The following CSNK1G1 variants were observed in gnomAD, a reference collection of about 807,000 sequenced individuals.
The protein encoded by CSNK1G1 is casein kinase 1 gamma 1.
CSNK1G1 carries 22 observed loss-of-function variants against 59.6 expected under a neutral mutation model. That is an observed-to-expected ratio of 0.37 (90% CI 0.26 to 0.53). The LOEUF (loss-of-function observed/expected upper bound fraction) is 0.53, where lower values mean the gene tolerates loss of function less well. Ranked by LOEUF, CSNK1G1 falls within the 20% of genes least tolerant of loss-of-function variation. The pLI, the probability that CSNK1G1 is intolerant of heterozygous loss-of-function variation, is 0.89. For missense variants in CSNK1G1, 384 were observed against 519.5 expected (o/e 0.74, Z 2.54); for synonymous variants, 179 against 177.1 (o/e 1.01, Z -0.08).
chr15:64,180,547 G>A (rs2081799707), intron 10 of CSNK1G1, 93 bp from the exon 11 acceptor site: 2 of 980,868 alleles, frequency 2.0e-6, no homozygotes, highest in Non-Finnish European at 1.6e-6. Flanking sequence ...GCAGTGTCTG[G>A]AATGTTTGTT....
chr15:64,188,274 T>C lies in CSNK1G1; in HGVS notation c.1108-7820A>G, dbSNP rs1354419384. On this transcript the variant is annotated intron_variant, in intron 10 of 11. Coordinates refer to ENST00000303052, the MANE Select transcript of CSNK1G1 (RefSeq NM_022048.5). This position sits in a 1 kb window ranked among gnomAD's most constrained non-coding sequence, Gnocchi z 4.2. The stretch of plus-strand genomic sequence containing the variant: ...ACAGAGATATTCAATTAGCCCTTCC[T>C]GTAAGCTTCCTTTCTAAGGCTGCCG... 2.3e-5 allele frequency: 18 copies of C among 794,572 alleles called. No homozygotes were observed. In the East Asian group the frequency reaches 4.1e-4, roughly 18 times the overall value. 49.2% of individuals were successfully genotyped at this position (794,572 alleles called of 1,614,324 possible).
chr15:64,308,280 G>C (rs372406861), intron 1 of CSNK1G1, among the ~76,000 whole-genome samples: 1 of 151,442 alleles, frequency 6.6e-6, no homozygotes, highest in African/African-American at 2.4e-5. Flanking sequence ...ATATTTTTTT[G>C]TAGAGACGAG....
At chr15:64,264,617 T>C (rs1596183522) in intron 2 of CSNK1G1, among the ~76,000 whole-genome samples, 1 of 152,046 alleles carries the variant, frequency 6.6e-6, no homozygotes, top group African/African-American at 2.4e-5. Flanking sequence ...GAGGCACAAA[T>C]CGTCAACAAA....
chr15:64,238,958 G>T (rs2082658076), intron 4 of CSNK1G1, among the ~76,000 whole-genome samples: 1 of 152,072 alleles, frequency 6.6e-6, no homozygotes, highest in African/African-American at 2.4e-5. Context: ...TTCCAACAAG[G>T]ATATTAACAA....
rs1259149362 is a variant in CSNK1G1 at position 64,200,781 on chromosome 15, T to C, written c.1107+2301A>G. Among the ~76,000 whole-genome samples the C allele has an allele frequency of 6.6e-6, 1 of 152,248 alleles. No homozygotes were observed. Among genetic ancestry groups the C allele is most frequent in the Non-Finnish European group, 1.5e-5 (1 of 68,036 alleles). ...CCCCATCCCGTCCAGCTCACTTTAC[T>C]ATAACCCAGTTTATTCAATAAAGGA... On this transcript the variant is annotated intron_variant, in intron 10 of 11. Transcript: ENST00000303052. The surrounding 1 kb of genome is among the most constrained non-coding windows in gnomAD (Gnocchi z 4.3).
rs554544396 is a variant in CSNK1G1, at chr15:64,326,954, C to T, written c.-224-26231G>A. Among the ~76,000 whole-genome samples the T allele has an allele frequency of 2.2e-3, 339 of 150,692 alleles. 3 individuals carry two copies. Among genetic ancestry groups the T allele is most frequent in the South Asian group, 0.01 (48 of 4,628 alleles). ...TCGGGTCACTCCCACCCGAATATTG[C>T]GCTTTTCAGACCGGCTTAAAAAACG... On this transcript the variant is annotated intron_variant, in intron 1 of 11. Coordinates refer to ENST00000303052, the MANE Select transcript of CSNK1G1 (RefSeq NM_022048.5).
intron 10 of CSNK1G1, among the ~76,000 whole-genome samples, chr15:64,192,789 G>C (rs1031546984): frequency 7.8e-6 from 1 of 127,818 alleles, no homozygotes; most frequent in African/African-American, 2.9e-5. Context: ...GTTGCAGTGA[G>C]CTGAGATTGT....
Position 64,300,423 on chromosome 15 carries a change from G to C in CSNK1G1, c.77C>G (p.Ser26Cys). 1 of 1,614,176 alleles carries C rather than the reference G, an allele frequency of 6.2e-7. No individual in the cohort carries two copies. The highest frequency in any genetic ancestry group is 1.1e-5 in the South Asian group (1 of 91,086). Residue 26 changes from serine to cysteine, a missense_variant, in exon 2 of 12, where the codon TCT (serine) becomes TGT (cysteine). Coordinates refer to ENST00000303052, the MANE Select transcript of CSNK1G1 (RefSeq NM_022048.5). Reference sequence around the variant, plus strand: ...GGACGATGAGGAGCCAGATGGTCGAGAGCAGTGTGCACTCCTTTGTGCCAT... The same window carrying C: ...GGACGATGAGGAGCCAGATGGTCGACAGCAGTGTGCACTCCTTTGTGCCAT... ...KPMAQRSAHC[S>C]RPSGSSSSSG...
intron 2 of CSNK1G1, among the ~76,000 whole-genome samples, chr15:64,291,778 G>A (rs1454589857): frequency 6.6e-6 from 1 of 152,092 alleles, no homozygotes; most frequent in East Asian, 1.9e-4. Context: ...CATTGACTTG[G>A]AGTGGAAAAT....
At chr15:64,228,375 C>T (rs2082490441) in intron 4 of CSNK1G1, among the ~76,000 whole-genome samples, 1 of 152,202 alleles carries the variant, frequency 6.6e-6, no homozygotes, top group Non-Finnish European at 1.5e-5. Context: ...CACCCGGGCA[C>T]GGTGGCTCAC....
intron 1 of CSNK1G1, among the ~76,000 whole-genome samples, chr15:64,322,596 C>T (rs544327864): frequency 1.2e-4 from 19 of 152,158 alleles, no homozygotes; most frequent in African/African-American, 4.1e-4. Flanking sequence ...GGGTTGATCC[C>T]TTGAGCCCAG....
chr15:64,193,023 C>A (rs2081992962), intron 10 of CSNK1G1, among the ~76,000 whole-genome samples: 1 of 152,084 alleles, frequency 6.6e-6, no homozygotes, highest in South Asian at 2.1e-4. Flanking sequence ...TCATGTAAGT[C>A]TTCTCAGCCT....
intron 3 of CSNK1G1, among the ~76,000 whole-genome samples, chr15:64,254,782 G>A (rs1417139005): frequency 6.6e-6 from 1 of 152,166 alleles, no homozygotes; most frequent in Non-Finnish European, 1.5e-5. Flanking sequence ...GTGTGCAAAA[G>A]TTTTAAATTT....
At chr15:64,277,651 A>C (rs1463936262) in intron 2 of CSNK1G1, among the ~76,000 whole-genome samples, 13 of 126,770 alleles carry the variant, frequency 1.0e-4, no homozygotes, top group Non-Finnish European at 2.1e-4. Flanking sequence ...ATATTTAATA[A>C]TATAGCAATA....
At position 64,319,762 on chromosome 15, in the gene CSNK1G1, G is replaced by C. The variant is rs139327272; in HGVS notation, c.-224-19039C>G. On this transcript the variant is annotated intron_variant, in intron 1 of 11. Transcript: ENST00000303052. ...GACGAGGTTTCACCGTGTTGCCCAG[G>C]CTGGTCTTAAACTCCTGAGCTCAGG... Among the ~76,000 whole-genome samples the C allele has an allele frequency of 5.1e-3, 779 of 152,144 alleles. 10 individuals are homozygous for C. The highest frequency in any genetic ancestry group is 0.017 in the African/African-American group (723 of 41,512).
At chr15:64,201,637 AC>A (rs1349437222) in intron 10 of CSNK1G1, among the ~76,000 whole-genome samples, 1 of 151,488 alleles carries the variant, frequency 6.6e-6, no homozygotes, top group Non-Finnish European at 1.5e-5. Context: ...TACCCACCAA[AC>A]CACATATTTT....
chr15:64,169,797 C>T lies in CSNK1G1; in HGVS notation c.*2134G>A, dbSNP rs1200353892. 6.6e-6 allele frequency: 1 copy of T among 152,148 alleles called. No homozygotes were observed. The highest frequency in any genetic ancestry group is 1.5e-5 in the Non-Finnish European group (1 of 68,036). The allele number at this position is 152,148 out of a possible 1,614,324, so 9.4% of individuals were successfully genotyped here. On this transcript the variant is annotated 3_prime_UTR_variant, in exon 12 of 12. Coordinates refer to ENST00000303052, the MANE Select transcript of CSNK1G1 (RefSeq NM_022048.5). ...ATTTATAGAAATGACATATTACCAT[C>T]TTTTCATAAGCTAAGCAGGTTTGAT...
At chr15:64,249,038 C>T (rs1029197282) in intron 4 of CSNK1G1, among the ~76,000 whole-genome samples, 3 of 152,164 alleles carry the variant, frequency 2.0e-5, no homozygotes, top group Admixed American at 6.5e-5. Context: ...AGGAGAATGG[C>T]GTGAACCCGG....
rs1333064787 is a variant in CSNK1G1 at position 64,166,362 on chromosome 15, TA to T, written c.*5568del. 1 of 197,974 alleles carries T rather than the reference TA, an allele frequency of 5.1e-6. No homozygotes were observed. Among genetic ancestry groups the T allele is most frequent in the African/African-American group, 2.3e-5 (1 of 43,302 alleles). The allele number at this position is 197,974 out of a possible 1,614,324, so 12.3% of individuals were successfully genotyped here. A position where few individuals can be genotyped will look rare whatever the true frequency, so the allele number is the denominator to read the frequency against. On this transcript the variant is annotated 3_prime_UTR_variant, in exon 12 of 12. Coordinates refer to ENST00000303052, the MANE Select transcript of CSNK1G1 (RefSeq NM_022048.5). This position sits in a 1 kb window ranked among gnomAD's most constrained non-coding sequence, Gnocchi z 4.5. ...GGTTTATCTTTATCTTTTCTGCTGT[TA>T]TTTTTTTTCTCTGCTTGATAAAATG...
Sources: gnomAD v4.1 joint callset for allele counts (sites outside exome capture counted in the v4.1 genomes callset) on GRCh38, gnomAD v4.1.1 for gene constraint, Gnocchi (gnomAD v3.1) non-coding constraint, MANE v1.5 for transcripts, NCBI Gene and HGNC (gene_info 2026-07-23, HGNC 2026-07-21) for gene names.